Variants in SPECC1L observed in about 807,000 individuals in gnomAD.
The protein encoded by SPECC1L is sperm antigen with calponin homology and coiled-coil domains 1 like.
Under a neutral mutation model 116.8 loss-of-function variants are expected in SPECC1L, and 40 were observed. The observed-to-expected ratio is 0.34, with a 90% CI of 0.27 to 0.45. The LOEUF is 0.45. Ranked by LOEUF, SPECC1L falls within the 20% of genes least tolerant of loss-of-function variation. The pLI is 1.00. For missense variants in SPECC1L, 1,110 were observed against 1,373.6 expected, an observed-to-expected ratio of 0.81 and a Z score of 3.03; for synonymous variants, 504 against 500.6, an observed-to-expected ratio of 1.01 and a Z score of -0.09.
chr22:24,369,366 A>T (rs199649947), intron 14 of SPECC1L, 46 bp downstream of exon 14: 3 of 1,383,342 alleles, frequency 2.2e-6, no homozygotes, highest in Non-Finnish European at 3.1e-6. Flanking sequence ...TGGCAAACCA[A>T]CTGCTGGAGT....
intron 13 of SPECC1L, among the ~76,000 whole-genome samples, chr22:24,368,930 A>C (rs1460313965): frequency 6.6e-6 from 1 of 152,254 alleles, no homozygotes; most frequent in Admixed American, 6.5e-5. Flanking sequence ...TACAGGCGTG[A>C]GCCACAGCGC....
In SPECC1L at chr22:24,369,028, G is replaced by A. The variant is rs1029620862; in HGVS notation, c.2985-190G>A. Among the ~76,000 whole-genome samples the A allele has an allele frequency of 2.0e-5, 3 of 152,256 alleles. No homozygotes were observed. In the East Asian group the frequency reaches 5.8e-4, roughly 29 times the overall value. On this transcript the variant is annotated intron_variant, in intron 13 of 16. Coordinates refer to ENST00000314328, the MANE Select transcript of SPECC1L (RefSeq NM_015330.6). ...TTTATAGAGTCCCTTTCTTCAGTTA[G>A]CAAAGAATTCTGACAACAGTGCATC...
At chr22:24,338,577 A>C (rs1286129010) in intron 10 of SPECC1L, 100 bp downstream of exon 10, 1 of 982,866 alleles carries the variant, frequency 1.0e-6, no homozygotes, top group Non-Finnish European at 1.6e-6. Flanking sequence ...TGGGTAAATG[A>C]CTACCTCAGC....
intron 15 of SPECC1L, 85 bp from the exon 16 acceptor site, chr22:24,412,563 T>TG (rs2042720176): frequency 8.0e-7 from 1 of 1,245,792 alleles, no homozygotes; most frequent in Non-Finnish European, 1.2e-6. Flanking sequence ...GTCCTTCAGA[T>TG]GCATCTGTCC....
rs1271976485 is a variant in SPECC1L, at chr22:24,281,612, A to G, written c.-38+4809A>G. On this transcript the variant is annotated intron_variant, in intron 2 of 16. Coordinates refer to ENST00000314328, the MANE Select transcript of SPECC1L (RefSeq NM_015330.6). ...ACTTCCCATTATTCATTGCTAATAT[A>G]TAAAAATAATACTTGGTTTTTGTGT... Among the ~76,000 whole-genome samples, 8 of 152,216 alleles carry G rather than the reference A, an allele frequency of 5.3e-5. No homozygotes were observed. In the East Asian group the frequency reaches 7.7e-4, roughly 15 times the overall value.
intron 14 of SPECC1L, among the ~76,000 whole-genome samples, chr22:24,393,179 G>T (rs903732965): frequency 6.6e-6 from 1 of 152,164 alleles, no homozygotes; most frequent in African/African-American, 2.4e-5. Context: ...ATACTGCTGT[G>T]GTCATTTTTG....
At chr22:24,411,567 G>A in intron 14 of SPECC1L, 21 bp from the exon 15 acceptor site, 1 of 1,608,392 alleles carries the variant, frequency 6.2e-7, no homozygotes, top group Non-Finnish European at 8.5e-7. Context: ...TTGGTTACAT[G>A]TTTTTCTTCC....
At position 24,313,940 on chromosome 22, in the gene SPECC1L, T is replaced by C. The variant is rs574871035; in HGVS notation, c.307+474T>C. On this transcript the variant is annotated intron_variant, in intron 4 of 16. Coordinates refer to ENST00000314328, the MANE Select transcript of SPECC1L (RefSeq NM_015330.6). The stretch of plus-strand genomic sequence containing the variant: ...TTTTAGTAGAGATGGGGTTTCACCA[T>C]GTTGGTCAGGCTGGTCTCGAACTCC... 3.7e-4 allele frequency among the ~76,000 whole-genome samples: 56 copies of C among 152,248 alleles called. 1 individual carries two copies. The highest frequency in any genetic ancestry group is 1.7e-3 in the East Asian group (9 of 5,182).
intron 2 of SPECC1L, among the ~76,000 whole-genome samples, chr22:24,287,811 A>G (rs1052786463): frequency 4.6e-5 from 7 of 152,146 alleles, no homozygotes; most frequent in African/African-American, 1.4e-4. Flanking sequence ...CTGGAATATA[A>G]TGGGCCCTCG....
intron 2 of SPECC1L, among the ~76,000 whole-genome samples, chr22:24,284,953 A>G (rs1601493785): frequency 6.6e-6 from 1 of 152,320 alleles, no homozygotes; most frequent in East Asian, 1.9e-4. Flanking sequence ...ACCAGGGACA[A>G]TCAAAGGAAA....
intron 15 of SPECC1L, chr22:24,412,134 C>G (rs2077515270): frequency 2.8e-6 from 1 of 357,058 alleles, no homozygotes; most frequent in Admixed American, 3.8e-5. Flanking sequence ...AACACCAACC[C>G]TGTGCACTCC....
At chr22:24,383,792 AT>A (rs538972717) in intron 14 of SPECC1L, among the ~76,000 whole-genome samples, 6 of 77,334 alleles carry the variant, frequency 7.8e-5, no homozygotes, top group East Asian at 7.1e-4. Flanking sequence ...ACCCACCACT[AT>A]TTTTTTTTTT....
At chr22:24,295,285 G>A (rs1344822465) in intron 2 of SPECC1L, among the ~76,000 whole-genome samples, 1 of 150,658 alleles carries the variant, frequency 6.6e-6, no homozygotes, top group African/African-American at 2.5e-5. Flanking sequence ...AAATTTAAAA[G>A]TAGATATATA....
At chr22:24,291,182 G>C (rs2146367036) in intron 2 of SPECC1L, among the ~76,000 whole-genome samples, 1 of 152,322 alleles carries the variant, frequency 6.6e-6, no homozygotes, top group South Asian at 2.1e-4. Context: ...AGTGGGTATT[G>C]ATAGGCATAA....
chr22:24,297,855 A>G (rs199745792), intron 2 of SPECC1L, among the ~76,000 whole-genome samples: 610 of 131,216 alleles, frequency 4.6e-3, no homozygotes, highest in South Asian at 7.0e-3. Flanking sequence ...TGGTTATCAG[A>G]TTAACTGTCT....
chr22:24,310,243 A>G (rs2040436720), intron 3 of SPECC1L, among the ~76,000 whole-genome samples: 1 of 152,186 alleles, frequency 6.6e-6, no homozygotes, highest in Non-Finnish European at 1.5e-5. Context: ...TGTACTTCAT[A>G]TGCTTTCCTG....
chr22:24,408,935 C>T (rs982958634), intron 14 of SPECC1L, among the ~76,000 whole-genome samples: 3 of 152,248 alleles, frequency 2.0e-5, no homozygotes, highest in Admixed American at 6.5e-5. Flanking sequence ...CGGTCTCCCT[C>T]GCAGGGGCGG....
chr22:24,358,740 A>G (rs1041348962), intron 11 of SPECC1L, among the ~76,000 whole-genome samples: 7 of 152,166 alleles, frequency 4.6e-5, no homozygotes, highest in African/African-American at 9.7e-5. Context: ...TTTTCGACCA[A>G]ATTTTAACTG....
At chr22:24,409,887 C>T (rs958434579) in intron 14 of SPECC1L, among the ~76,000 whole-genome samples, 1 of 152,102 alleles carries the variant, frequency 6.6e-6, no homozygotes, top group African/African-American at 2.4e-5. Context: ...ATTAGCTGGA[C>T]GTGGTAGCAC....
Sources: allele counts gnomAD v4.1 joint callset (sites outside exome capture counted in the v4.1 genomes callset), GRCh38; gene constraint gnomAD v4.1.1; transcripts MANE v1.5; gene names NCBI Gene and HGNC (gene_info 2026-07-23, HGNC 2026-07-21).